The following ACACA variants were observed in gnomAD, a reference collection of about 807,000 sequenced individuals.
ACACA encodes the protein acetyl-CoA carboxylase alpha, also known as acetyl-CoA carboxylase 1.
ACACA carries 103 observed loss-of-function variants against 296.1 expected under a neutral mutation model. That is an observed-to-expected ratio of 0.35 (90% CI 0.30 to 0.41). The LOEUF is 0.41. Among genes scored for constraint, ACACA ranks in the 10% least tolerant of loss-of-function variants. The pLI, the probability that ACACA is intolerant of heterozygous loss-of-function variation, is 1.00. For synonymous variants in ACACA, 953 were observed against 1,038.6 expected, an observed-to-expected ratio of 0.92 and a Z score of 1.58; for missense variants, 1,554 against 2,989.7, an observed-to-expected ratio of 0.52 and a Z score of 11.20.
At chr17:37,275,216 C>T (rs999606140) in intron 8 of ACACA, among the ~76,000 whole-genome samples, 14 of 152,042 alleles carry the variant, frequency 9.2e-5, no homozygotes, top group African/African-American at 3.1e-4. Context: ...AAAACATTGG[C>T]GCCAGGCGCG....
intron 3 of ACACA, among the ~76,000 whole-genome samples, chr17:37,318,572 G>A (rs971607269): frequency 2.0e-5 from 3 of 152,118 alleles, no homozygotes; most frequent in Non-Finnish European, 2.9e-5. Flanking sequence ...TATTCTCAAC[G>A]TGTGAATTAT....
intron 35 of ACACA, among the ~76,000 whole-genome samples, chr17:37,199,779 A>T (rs561368168): frequency 6.6e-6 from 1 of 152,050 alleles, no homozygotes; most frequent in East Asian, 1.9e-4. Context: ...GCTTATGTTC[A>T]TTCTTAACTA....
chr17:37,181,009 A>G (rs747879779), intron 40 of ACACA, among the ~76,000 whole-genome samples, 192 bp downstream of exon 40: 10 of 152,190 alleles, frequency 6.6e-5, no homozygotes, highest in Middle Eastern at 3.2e-3. Context: ...CATTCCTCTC[A>G]TTAATTCATA....
At chr17:37,340,555 C>A (rs1442003603) in intron 1 of ACACA, among the ~76,000 whole-genome samples, 1 of 152,146 alleles carries the variant, frequency 6.6e-6, no homozygotes, top group African/African-American at 2.4e-5. Flanking sequence ...TGGAAATACA[C>A]GCTTGAGAAC....
At chr17:37,169,469 A>T (rs191344401) in intron 41 of ACACA, among the ~76,000 whole-genome samples, 1 of 152,230 alleles carries the variant, frequency 6.6e-6, no homozygotes, top group Admixed American at 6.5e-5. Context: ...GAAATGGTTC[A>T]AAATATTCTA....
chr17:37,354,163 A>G (rs995406266), intron 1 of ACACA, among the ~76,000 whole-genome samples: 2 of 152,200 alleles, frequency 1.3e-5, no homozygotes, highest in Admixed American at 6.6e-5. Context: ...CCACTCCATA[A>G]ATAGTACTGC....
At position 37,363,179 on chromosome 17, in the gene ACACA, C is replaced by CTTTTTTTTTTTTTTTTTT. The variant is rs902746004; in HGVS notation, c.39-23347_39-23330dup. ...CTTTTTCTTTTCTCTTTCTCTTTTT[C>CTTTTTTTTTTTTTTTTTT]TTTTTTTTTTTTTTTTTTTTTTTGA... On this transcript the variant is annotated intron_variant, in intron 1 of 55. Coordinates refer to ENST00000616317, the MANE Select transcript of ACACA (RefSeq NM_198834.3). 5.5e-5 allele frequency among the ~76,000 whole-genome samples: 4 copies of CTTTTTTTTTTTTTTTTTT among 72,850 alleles called. 1 individual carries two copies. Among genetic ancestry groups the CTTTTTTTTTTTTTTTTTT allele is most frequent in the African/African-American group, 2.7e-4 (4 of 14,948 alleles). 47.8% of individuals were successfully genotyped at this position (72,850 alleles called of 152,430 possible).
intron 3 of ACACA, among the ~76,000 whole-genome samples, chr17:37,324,727 C>A (rs1236999530): frequency 7.8e-6 from 1 of 128,358 alleles, no homozygotes; most frequent in African/African-American, 3.0e-5. Flanking sequence ...CCCAGCTACT[C>A]GAGAGGCTGA....
chr17:37,386,164 A>T, intron 1 of ACACA: 1 of 1,317,234 alleles, frequency 7.6e-7, no homozygotes. Context: ...GTACAGAATA[A>T]GTAGGAGTAA....
chr17:37,237,457 G>A (rs1598277851), intron 24 of ACACA, among the ~76,000 whole-genome samples: 1 of 152,264 alleles, frequency 6.6e-6, no homozygotes, highest in Middle Eastern at 3.4e-3. Context: ...TACCAAAGTG[G>A]TATATACCAA....
intron 45 of ACACA, among the ~76,000 whole-genome samples, chr17:37,132,431 T>C (rs1055883433): frequency 6.6e-6 from 1 of 152,196 alleles, no homozygotes; most frequent in Non-Finnish European, 1.5e-5. Context: ...GCTCTGGTTT[T>C]ATGGTCGTCA....
intron 50 of ACACA, among the ~76,000 whole-genome samples, chr17:37,118,772 T>C (rs1458152935): frequency 2.6e-5 from 4 of 152,228 alleles, no homozygotes; most frequent in African/African-American, 9.6e-5. Flanking sequence ...ACCTACCCCT[T>C]AGAGGTGCTT....
chr17:37,188,465 G>A lies in ACACA; in HGVS notation c.4588C>T (p.Arg1530Trp), dbSNP rs2145037469. 1.2e-6 allele frequency: 2 copies of A among 1,612,806 alleles called. No individual in the cohort carries two copies. The highest frequency in any genetic ancestry group is 1.1e-5 in the South Asian group (1 of 91,018). The change falls in exon 39 of 56, where the codon CGG becomes TGG. Residue 1530 changes from arginine (R) to tryptophan (W), a missense_variant. This residue lies in a region of ACACA where 35 missense variants were observed against 131.8 expected (regional missense o/e 0.27). Transcript: ENST00000616317. ...MDPSKIEESVRSMVMRYGSRL... is the reference protein window; with the variant it reads ...MDPSKIEESVWSMVMRYGSRL... Reference sequence around the variant, plus strand: ...CTTCCATACCGCATTACCATGCTCCGCACGGATTCCTCAATCTGACACAGA... The same window carrying A: ...CTTCCATACCGCATTACCATGCTCCACACGGATTCCTCAATCTGACACAGA...
intron 45 of ACACA, chr17:37,141,193 A>C: frequency 1.8e-6 from 1 of 553,496 alleles, no homozygotes. Flanking sequence ...CCCCACGAAA[A>C]AGTTAGTGAT....
At chr17:37,356,065 G>T (rs571708588) in intron 1 of ACACA, among the ~76,000 whole-genome samples, 1 of 151,956 alleles carries the variant, frequency 6.6e-6, no homozygotes. Flanking sequence ...CAGCTACTCA[G>T]GGGGGTGAGG....
chr17:37,167,696 CAAAAAAA>C (rs540610206), intron 41 of ACACA, among the ~76,000 whole-genome samples: 1 of 75,612 alleles, frequency 1.3e-5, no homozygotes, highest in Non-Finnish European at 3.0e-5. Flanking sequence ...CAAAAACTGG[CAAAAAAA>C]AAAAAAAAAA....
intron 45 of ACACA, among the ~76,000 whole-genome samples, chr17:37,141,826 G>A (rs957841283): frequency 7.3e-5 from 11 of 151,660 alleles, no homozygotes; most frequent in African/African-American, 2.7e-4. Context: ...TGAGTAGCTG[G>A]GATTACAGGT....
intron 1 of ACACA, among the ~76,000 whole-genome samples, chr17:37,402,897 C>G (rs1254632638): frequency 6.6e-6 from 1 of 152,182 alleles, no homozygotes; most frequent in Non-Finnish European, 1.5e-5. Flanking sequence ...TGGTCTCGAT[C>G]TCCTGACCTC....
chr17:37,129,520 T>C, intron 46 of ACACA, 35 bp from the exon 47 acceptor site: 2 of 1,613,136 alleles, frequency 1.2e-6, no homozygotes, highest in South Asian at 2.2e-5. Context: ...CAGCAATCAG[T>C]GAACGACAGC....
Sources: gnomAD v4.1 joint callset for allele counts (sites outside exome capture counted in the v4.1 genomes callset) on GRCh38, gnomAD v4.1.1 for gene constraint, gnomAD v4.1.1 regional missense constraint, MANE v1.5 for transcripts, NCBI Gene and HGNC (gene_info 2026-07-23, HGNC 2026-07-21) for gene names.